Variants in TBC1D22B observed in about 807,000 individuals in gnomAD.
The protein encoded by TBC1D22B is TBC1 domain family member 22B, also known as chromosome 6 open reading frame 197.
A neutral mutation model predicts 69.1 loss-of-function variants in TBC1D22B; 32 were observed. That is an observed-to-expected ratio of 0.46 (90% CI 0.35 to 0.62). The LOEUF (loss-of-function observed/expected upper bound fraction) is 0.62, where lower values mean the gene tolerates loss of function less well. TBC1D22B is among the 20% of genes least tolerant of loss of function. TBC1D22B has a pLI of 0.00. For synonymous variants in TBC1D22B, 206 were observed against 229.8 expected (o/e 0.90, Z 0.94); for missense variants, 462 against 630.9 (o/e 0.73, Z 2.87).
intron 2 of TBC1D22B, 57 bp downstream of exon 2, chr6:37,269,707 C>T: frequency 1.3e-6 from 2 of 1,532,746 alleles, no homozygotes; most frequent in Admixed American, 1.7e-5. Context: ...ATACCCTCCC[C>T]TATTTTGTTG....
chr6:37,295,022 A>G (rs189063525), intron 8 of TBC1D22B, among the ~76,000 whole-genome samples: 1 of 152,368 alleles, frequency 6.6e-6, no homozygotes, highest in Non-Finnish European at 1.5e-5. Context: ...TGACAGGAAA[A>G]GATTTAGAAT....
chr6:37,305,076 G>T (rs1399796560), intron 8 of TBC1D22B, among the ~76,000 whole-genome samples: 1 of 152,196 alleles, frequency 6.6e-6, no homozygotes, highest in Non-Finnish European at 1.5e-5. Context: ...CAAAGAAAAG[G>T]TAGTGTGGAT....
intron 1 of TBC1D22B, among the ~76,000 whole-genome samples, chr6:37,261,959 G>A (rs1272218181): frequency 2.2e-5 from 1 of 45,412 alleles, no homozygotes; most frequent in Admixed American, 1.6e-4. Context: ...GTGTGTGTGT[G>A]TGTGTGTGTG....
intron 8 of TBC1D22B, among the ~76,000 whole-genome samples, chr6:37,309,331 C>T (rs1177100613): frequency 1.3e-5 from 2 of 152,230 alleles, no homozygotes; most frequent in Admixed American, 6.5e-5. Context: ...CAGCGATGCT[C>T]CTGTTGCCCT....
intron 6 of TBC1D22B, among the ~76,000 whole-genome samples, chr6:37,285,783 A>G (rs1026171216): frequency 6.6e-6 from 1 of 152,000 alleles, no homozygotes; most frequent in African/African-American, 2.4e-5. Context: ...ATGAGCCACC[A>G]TGTAATTTTT....
chr6:37,296,091 A>G (rs996045916), intron 8 of TBC1D22B, among the ~76,000 whole-genome samples: 4 of 152,122 alleles, frequency 2.6e-5, no homozygotes, highest in Admixed American at 6.6e-5. Context: ...GCACTTTTTA[A>G]CAATAAAATA....
rs1236296472 is a variant in TBC1D22B at position 37,268,125 on chromosome 6, A to G, written c.57-1469A>G. ...TCTTCAGACAGGTGTTAAGGAACACATTTTCCCTGAGTTCTTACATGTTGA... is the reference window on the plus strand; with the variant it reads ...TCTTCAGACAGGTGTTAAGGAACACGTTTTCCCTGAGTTCTTACATGTTGA... On this transcript the variant is annotated intron_variant, in intron 1 of 12. Coordinates refer to ENST00000373491, the MANE Select transcript of TBC1D22B (RefSeq NM_017772.4). Among the ~76,000 whole-genome samples the G allele has an allele frequency of 2.0e-5, 3 of 152,248 alleles. No homozygotes were observed. The East Asian group carries it at 5.8e-4, about 29-fold the overall frequency.
At position 37,331,259 on chromosome 6, in the gene TBC1D22B, C is replaced by A; in HGVS notation, c.*87C>A. On this transcript the variant is annotated 3_prime_UTR_variant, in exon 13 of 13. Transcript: ENST00000373491. ...CCACTGTGCGAGCCGTGGACCCCGG[C>A]CAGGAACCACTCCTGTTGTACAAAG... The A allele has an allele frequency of 1.5e-6, 2 of 1,373,506 alleles. No individual in the cohort carries two copies. Among genetic ancestry groups the A allele is most frequent in the East Asian group, 2.3e-5 (1 of 43,328 alleles). 85.1% of individuals were successfully genotyped at this position (1,373,506 alleles called of 1,614,324 possible). A position where few individuals can be genotyped will look rare whatever the true frequency, so the allele number is the denominator to read the frequency against.
At chr6:37,262,774 C>A (rs1364457375) in intron 1 of TBC1D22B, among the ~76,000 whole-genome samples, 2 of 152,204 alleles carry the variant, frequency 1.3e-5, no homozygotes, top group Non-Finnish European at 2.9e-5. Flanking sequence ...ACACGTTTGG[C>A]ATTTAAATTT....
At chr6:37,266,730 T>C (rs1202144039) in intron 1 of TBC1D22B, among the ~76,000 whole-genome samples, 1 of 152,148 alleles carries the variant, frequency 6.6e-6, no homozygotes, top group Admixed American at 6.5e-5. Flanking sequence ...CCCCAAGTGC[T>C]GGGATTACAG....
At chr6:37,312,871 C>A in intron 8 of TBC1D22B, 47 bp from the exon 9 acceptor site, 2 of 1,490,772 alleles carry the variant, frequency 1.3e-6, no homozygotes, top group Non-Finnish European at 1.9e-6. Context: ...TTTCTCTCTC[C>A]ATTTTTAGAT....
intron 8 of TBC1D22B, among the ~76,000 whole-genome samples, chr6:37,302,375 CTCTT>C (rs1370455268): frequency 6.6e-6 from 1 of 152,162 alleles, no homozygotes; most frequent in Non-Finnish European, 1.5e-5. Context: ...TAATTCTAAA[CTCTT>C]TCCTCCAAGA....
At position 37,282,755 on chromosome 6, in the gene TBC1D22B, G is replaced by A. The variant is rs533684124; in HGVS notation, c.602-127G>A. The A allele has an allele frequency of 1.2e-5, 11 of 923,212 alleles. No homozygotes were observed. The African/African-American group carries it at 1.6e-4, about 14-fold the overall frequency. 57.2% of individuals were successfully genotyped at this position (923,212 alleles called of 1,614,324 possible). A position where few individuals can be genotyped will look rare whatever the true frequency, so the allele number is the denominator to read the frequency against. On this transcript the variant is annotated intron_variant, in intron 4 of 12. Coordinates refer to ENST00000373491, the MANE Select transcript of TBC1D22B (RefSeq NM_017772.4). ...GGGGCTGTTTTGGGCTTTTCACTGT[G>A]CTTATGGGTAGCAGGTGGTGGTGGT...
At position 37,321,747 on chromosome 6, in the gene TBC1D22B, G is replaced by C. The variant is rs960376141; in HGVS notation, c.1389+4541G>C. Among the ~76,000 whole-genome samples the C allele has an allele frequency of 4.6e-5, 7 of 152,212 alleles. No individual in the cohort carries two copies. The East Asian group carries it at 1.2e-3, about 25-fold the overall frequency. On this transcript the variant is annotated intron_variant, in intron 12 of 12. Transcript: ENST00000373491. ...GTGAAGAGCAGCTCTGGGCCTGTCT[G>C]TGGAGTCCTAGAGCCTGCTTGGGCC... is the stretch of plus-strand genomic sequence containing the variant.
intron 1 of TBC1D22B, among the ~76,000 whole-genome samples, chr6:37,267,719 C>A (rs996311817): frequency 1.3e-5 from 2 of 151,564 alleles, no homozygotes; most frequent in African/African-American, 4.8e-5. Context: ...TTTCCTCACC[C>A]CTCTCTTCCC....
Position 37,316,186 on chromosome 6 carries a change from C to T in TBC1D22B, c.1166-517C>T, listed in dbSNP as rs117157879. Among the ~76,000 whole-genome samples the T allele has an allele frequency of 2.0e-5, 3 of 152,306 alleles. No homozygotes were observed. The East Asian group carries it at 5.8e-4, about 29-fold the overall frequency. ...GCTGGTTTTGTTGAATATGGTGAAG[C>T]GCTTTCTGGTGAATCACTTCATACA... On this transcript the variant is annotated intron_variant, in intron 10 of 12. Transcript: ENST00000373491.
At chr6:37,321,172 T>TG (rs1220965040) in intron 12 of TBC1D22B, among the ~76,000 whole-genome samples, 11 of 150,952 alleles carry the variant, frequency 7.3e-5, no homozygotes, top group African/African-American at 2.7e-4. Flanking sequence ...ATACCCCATT[T>TG]TACAAATGGG....
intron 2 of TBC1D22B, among the ~76,000 whole-genome samples, chr6:37,276,763 T>C (rs1454953500): frequency 6.6e-6 from 1 of 152,050 alleles, no homozygotes; most frequent in African/African-American, 2.4e-5. Context: ...TGGTGGTGCG[T>C]GCCTGTAGTC....
At chr6:37,316,962 C>T in intron 11 of TBC1D22B, 132 bp downstream of exon 11, 1 of 1,518,396 alleles carries the variant, frequency 6.6e-7, no homozygotes, top group Non-Finnish European at 9.0e-7. Context: ...GCTTTAGCCT[C>T]AGGGCAGGGC....
Sources: allele counts gnomAD v4.1 joint callset (sites outside exome capture counted in the v4.1 genomes callset), GRCh38; gene constraint gnomAD v4.1.1; transcripts MANE v1.5; gene names NCBI Gene and HGNC (gene_info 2026-07-23, HGNC 2026-07-21).